The following CYP2W1 variants were observed in gnomAD, a reference collection of about 807,000 sequenced individuals.
CYP2W1 encodes the protein cytochrome P450 2W1.
In CYP2W1, 51 loss-of-function variants were observed where a neutral mutation model predicts 44.9. The ratio of observed to expected loss-of-function variants is 1.14; its 90% CI spans 0.91 to 1.43. The LOEUF (loss-of-function observed/expected upper bound fraction) is 1.43, where lower values mean the gene tolerates loss of function less well. Among genes scored for constraint, CYP2W1 ranks in the 40% most tolerant of loss-of-function variants. The pLI is 0.00. For synonymous variants in CYP2W1, 383 were observed against 338.3 expected (o/e 1.13, Z -1.45); for missense variants, 746 against 700.0 (o/e 1.07, Z -0.74).
At position 989,083 on chromosome 7, in the gene CYP2W1, G is replaced by C; in HGVS notation, c.*261G>C. 1 of 444,224 alleles carries C rather than the reference G, an allele frequency of 2.3e-6. No homozygotes were observed. The highest frequency in any genetic ancestry group is 4.0e-6 in the Non-Finnish European group (1 of 252,106). 27.5% of individuals were successfully genotyped at this position (444,224 alleles called of 1,614,324 possible). On this transcript the variant is annotated 3_prime_UTR_variant, in exon 9 of 9. Coordinates refer to ENST00000308919, the MANE Select transcript of CYP2W1 (RefSeq NM_017781.3). ...CCCCCAGGAGCGCCTCCAGGGCCCC[G>C]CCCACTCTCCCACCCCTGAAGCTGC...
Position 988,449 on chromosome 7 carries a change from G to A in CYP2W1, c.1285+31G>A, listed in dbSNP as rs1052588557. ...CAGCCCTCGGGGCCGGGGTGGGGCG[G>A]CACCTCCAGGGCTCCAGGGGTGGGA... On this transcript the variant is annotated intron_variant, in intron 8 of 8. Transcript: ENST00000308919. The A allele has an allele frequency of 3.7e-6, 6 of 1,610,858 alleles. No individual in the cohort carries two copies. The Admixed American group carries it at 8.4e-5, about 22-fold the overall frequency.
At chr7:984,268 T>A (rs1182278435) in intron 1 of CYP2W1, 144 bp from the exon 2 acceptor site, 1 of 1,131,380 alleles carries the variant, frequency 8.8e-7, no homozygotes, top group Admixed American at 2.8e-5. Context: ...CACCACTGGC[T>A]TTATGGCATC....
Position 988,368 on chromosome 7 carries a change from A to G in CYP2W1, c.1235A>G (p.Asp412Gly), listed in dbSNP as rs775188105. The G allele has an allele frequency of 1.9e-6, 3 of 1,612,646 alleles. No individual in the cohort carries two copies. Among genetic ancestry groups the G allele is most frequent in the South Asian group, 1.1e-5 (1 of 91,080 alleles). The change falls in exon 8 of 9, where the codon GAC becomes GGC. Residue 412 changes from aspartate (D) to glycine (G), a missense_variant. Asp to Gly is a moderately conservative substitution (Grantham distance 94). Coordinates refer to ENST00000308919, the MANE Select transcript of CYP2W1 (RefSeq NM_017781.3). ...CAGTTCAACCCCGGCCATTTCCTGG[A>G]CGCGAATGGGCACTTTGTGAAGCGG... ...PGQFNPGHFL[D>G]ANGHFVKREA...
In CYP2W1 at chr7:988,924, G is replaced by A. The variant is rs1489420359; in HGVS notation, c.*102G>A. On this transcript the variant is annotated 3_prime_UTR_variant, in exon 9 of 9. Transcript: ENST00000308919. ...CCACAGCTCGGACTGCTCTGGGAGG[G>A]CCCTGAGGACTCCCACCCTCACCCC... The A allele has an allele frequency of 8.0e-6, 6 of 753,662 alleles. No homozygotes were observed. Among genetic ancestry groups the A allele is most frequent in the Non-Finnish European group, 1.3e-5 (6 of 476,660 alleles). 46.7% of individuals were successfully genotyped at this position (753,662 alleles called of 1,614,324 possible). A position where few individuals can be genotyped will look rare whatever the true frequency, so the allele number is the denominator to read the frequency against.
At position 986,721 on chromosome 7, in the gene CYP2W1, TGGAGGCGC is replaced by T; in HGVS notation, c.750_757del (p.Arg251ProfsTer23). On this transcript the variant is annotated frameshift_variant, in exon 5 of 9. Transcript: ENST00000308919. LOFTEE classifies it high-confidence loss of function. ...GTCCGTGCCATTCTGAGGACCCTCCTGGAGGCGCGGAGGCCCCACGTGTGCCCGGGGGA... is the reference window on the plus strand; with the variant it reads ...GTCCGTGCCATTCTGAGGACCCTCCTGGAGGCCCCACGTGTGCCCGGGGGA... The T allele has an allele frequency of 6.2e-7, 1 of 1,611,658 alleles. No homozygotes were observed. Among genetic ancestry groups the T allele is most frequent in the Non-Finnish European group, 8.5e-7 (1 of 1,179,368 alleles).
Position 983,444 on chromosome 7 carries a change from C to A in CYP2W1, c.174+59C>A, listed in dbSNP as rs376904688. 103 of 1,364,540 alleles carry A rather than the reference C, an allele frequency of 7.5e-5. 1 individual carries two copies. Among genetic ancestry groups the A allele is most frequent in the Admixed American group, 1.8e-4 (6 of 33,834 alleles). The allele number at this position is 1,364,540 out of a possible 1,614,324, so 84.5% of individuals were successfully genotyped here. On this transcript the variant is annotated intron_variant, in intron 1 of 8. Coordinates refer to ENST00000308919, the MANE Select transcript of CYP2W1 (RefSeq NM_017781.3). ...TGGACAGCTGCCGTGTCCTGGCCCC[C>A]CTCCTGGGGAAGCCCAGCCCGGTTT...
Position 988,324 on chromosome 7 carries a change from A to C in CYP2W1, c.1191A>C (p.Thr397=). The C allele has an allele frequency of 1.9e-6, 3 of 1,611,626 alleles. No homozygotes were observed. The highest frequency in any genetic ancestry group is 2.5e-6 in the Non-Finnish European group (3 of 1,179,110). The change falls in exon 8 of 9, where the codon ACA becomes ACC. Residue 397 remains threonine, a synonymous_variant. Coordinates refer to ENST00000308919, the MANE Select transcript of CYP2W1 (RefSeq NM_017781.3). ...PLLTSVLLDE[T]QWQTPGQFNP... ...TGACCTCGGTGCTCCTGGATGAGAC[A>C]CAGTGGCAGACCCCAGGCCAGTTCA...
rs982840128 is a variant in CYP2W1, at chr7:983,283, C to T, written c.72C>T (p.Asp24=). 9.7e-6 allele frequency: 15 copies of T among 1,544,046 alleles called. No homozygotes were observed. In the Admixed American group the frequency reaches 2.4e-4, roughly 24 times the overall value. Residue 24 remains aspartate, a synonymous_variant, in exon 1 of 9, where the codon GAC becomes GAT. Transcript: ENST00000308919. The part of the protein sequence containing the change: ...LWGLLCACAQ[D]PSPAARWPPG... Reference sequence around the variant, plus strand: ...GGCTGCTCTGCGCCTGCGCCCAAGACCCCTCCCCAGCTGCCCGGTGGCCCC... The same window carrying T: ...GGCTGCTCTGCGCCTGCGCCCAAGATCCCTCCCCAGCTGCCCGGTGGCCCC...
In CYP2W1 at chr7:984,973, C is replaced by T. The variant is rs774378727; in HGVS notation, c.361C>T (p.Arg121Cys). ...AGGCATCTTCTTCTCATCTGGGGCG[C>T]GCTGGAGGGCTGCCCGCCAGTTCAC... ...GGGIFFSSGARWRAARQFTVR... is the reference protein window; with the variant it reads ...GGGIFFSSGACWRAARQFTVR... Residue 121 changes from arginine to cysteine, a missense_variant, in exon 3 of 9, where the codon CGC (arginine) becomes TGC (cysteine). Arg to Cys is a radical substitution (Grantham distance 180). Coordinates refer to ENST00000308919, the MANE Select transcript of CYP2W1 (RefSeq NM_017781.3). 1.7e-5 allele frequency: 27 copies of T among 1,606,252 alleles called. No homozygotes were observed. Among genetic ancestry groups the T allele is most frequent in the Admixed American group, 5.0e-5 (3 of 59,872 alleles).
rs958738000 is a variant in CYP2W1 at position 984,982 on chromosome 7, G to A, written c.370G>A (p.Ala124Thr). 1 of 1,608,360 alleles carries A rather than the reference G, an allele frequency of 6.2e-7. No individual in the cohort carries two copies. The highest frequency in any genetic ancestry group is 1.3e-5 in the African/African-American group (1 of 75,022). Residue 124 changes from alanine to threonine, a missense_variant, in exon 3 of 9, where the codon GCT (alanine) becomes ACT (threonine). Ala to Thr is a moderately conservative substitution (Grantham distance 58). Coordinates refer to ENST00000308919, the MANE Select transcript of CYP2W1 (RefSeq NM_017781.3). ...IFFSSGARWR[A>T]ARQFTVRALH... Reference sequence around the variant, plus strand: ...CTTCTCATCTGGGGCGCGCTGGAGGGCTGCCCGCCAGTTCACGGTGCGTGC... The same window carrying A: ...CTTCTCATCTGGGGCGCGCTGGAGGACTGCCCGCCAGTTCACGGTGCGTGC...
chr7:984,692 G>A, intron 2 of CYP2W1, 118 bp downstream of exon 2: 2 of 1,401,114 alleles, frequency 1.4e-6, no homozygotes, highest in South Asian at 2.7e-5. Context: ...AGAGCAGGCA[G>A]GAGCTGGGCC....
rs571796456 is a variant in CYP2W1 at position 984,384 on chromosome 7, C to G, written c.175-28C>G. On this transcript the variant is annotated intron_variant, in intron 1 of 8. Coordinates refer to ENST00000308919, the MANE Select transcript of CYP2W1 (RefSeq NM_017781.3). Reference sequence around the variant, plus strand: ...AGGGGGGTCTTGTGGGTGAGGGCTGCCCGGGTGACCCCCGCCATCCCTGCC... The same window carrying G: ...AGGGGGGTCTTGTGGGTGAGGGCTGGCCGGGTGACCCCCGCCATCCCTGCC... The G allele has an allele frequency of 5.6e-5, 87 of 1,542,156 alleles. 3 individuals carry two copies. The Middle Eastern group carries it at 6.7e-4, about 12-fold the overall frequency.
Position 986,745 on chromosome 7 carries a change from G to A in CYP2W1, c.767G>A (p.Cys256Tyr), listed in dbSNP as rs931669389. Residue 256 changes from cysteine to tyrosine, a missense_variant, in exon 5 of 9, where the codon TGC becomes TAC. Coordinates refer to ENST00000308919, the MANE Select transcript of CYP2W1 (RefSeq NM_017781.3). ...TLLEARRPHVCPGDPVCSYVD... is the reference protein window; with the variant it reads ...TLLEARRPHVYPGDPVCSYVD... The stretch of plus-strand genomic sequence containing the variant: ...CTGGAGGCGCGGAGGCCCCACGTGT[G>A]CCCGGGGGACCCCGTGTGCAGCTAT... 2 of 1,607,756 alleles carry A rather than the reference G, an allele frequency of 1.2e-6. No individual in the cohort carries two copies. The highest frequency in any genetic ancestry group is 1.7e-6 in the Non-Finnish European group (2 of 1,177,140).
chr7:985,687 T>C (rs1359792106), intron 4 of CYP2W1, among the ~76,000 whole-genome samples: 1 of 152,220 alleles, frequency 6.6e-6, no homozygotes, highest in Non-Finnish European at 1.5e-5. Context: ...TGACGCCCTT[T>C]ACAGTGCCCC....
intron 6 of CYP2W1, 47 bp downstream of exon 6, chr7:987,292 AC>A: frequency 4.0e-6 from 6 of 1,509,868 alleles, no homozygotes; most frequent in Middle Eastern, 1.9e-4. Flanking sequence ...CCCCCGGGGG[AC>A]CCCCAGGGAC....
Position 983,259 on chromosome 7 carries a change from G to T in CYP2W1, c.48G>T (p.Gly16=). 2 of 1,539,070 alleles carry T rather than the reference G, an allele frequency of 1.3e-6. No homozygotes were observed. The highest frequency in any genetic ancestry group is 1.2e-5 in the South Asian group (1 of 83,190). ...LLFLGLLGLW[G]LLCACAQDPS... Reference sequence around the variant, plus strand: ...TCCTGGGCCTCCTGGGGCTCTGGGGGCTGCTCTGCGCCTGCGCCCAAGACC... The same window carrying T: ...TCCTGGGCCTCCTGGGGCTCTGGGGTCTGCTCTGCGCCTGCGCCCAAGACC... The change falls in exon 1 of 9, where the codon GGG becomes GGT. Residue 16 remains glycine, a synonymous_variant. Transcript: ENST00000308919.
rs1251059745 is a variant in CYP2W1, at chr7:985,311, C to A, written c.633C>A (p.Ser211=). 1.9e-6 allele frequency: 3 copies of A among 1,550,672 alleles called. No homozygotes were observed. The Admixed American group carries it at 5.9e-5, about 30-fold the overall frequency. ...ATGAGGTCATGGTCCTCTTGGGGTC[C>A]CCTGGCCTGCAGGTGAGGAGCTGCC... ...LIDEVMVLLG[S]PGLQLFNVYP... Residue 211 remains serine (S), a synonymous_variant, in exon 4 of 9, where the codon TCC becomes TCA. Coordinates refer to ENST00000308919, the MANE Select transcript of CYP2W1 (RefSeq NM_017781.3).
intron 4 of CYP2W1, chr7:986,325 C>G: frequency 2.2e-6 from 1 of 450,218 alleles, no homozygotes; most frequent in East Asian, 4.6e-5. Context: ...CCATGACTCA[C>G]AGGAGGTTCA....
chr7:985,236 C>T lies in CYP2W1; in HGVS notation c.558C>T (p.Arg186=). Reference sequence around the variant, plus strand: ...TCACCTTCGCGCTCCTCTTCGGCCGCCGATTTGACTACCGGGACCCCGTGT... The same window carrying T: ...TCACCTTCGCGCTCCTCTTCGGCCGTCGATTTGACTACCGGGACCCCGTGT... ...SNITFALLFG[R]RFDYRDPVFV... The change falls in exon 4 of 9, where the codon CGC becomes CGT. Residue 186 remains arginine, a synonymous_variant. Coordinates refer to ENST00000308919, the MANE Select transcript of CYP2W1 (RefSeq NM_017781.3). 1 of 1,553,034 alleles carries T rather than the reference C, an allele frequency of 6.4e-7. No homozygotes were observed. The highest frequency in any genetic ancestry group is 1.4e-5 in the African/African-American group (1 of 73,362).
Sources: allele counts gnomAD v4.1 joint callset (sites outside exome capture counted in the v4.1 genomes callset), GRCh38; gene constraint gnomAD v4.1.1; transcripts MANE v1.5; gene names NCBI Gene and HGNC (gene_info 2026-07-23, HGNC 2026-07-21).